The following FOXN2 variants were observed in gnomAD, a reference collection of about 807,000 sequenced individuals.
The protein encoded by FOXN2 is forkhead box N2.
A neutral mutation model predicts 41.2 loss-of-function variants in FOXN2; 19 were observed. That is an observed-to-expected ratio of 0.46 (90% CI 0.32 to 0.68). The LOEUF is 0.68. Among genes scored for constraint, FOXN2 ranks in the 30% least tolerant of loss-of-function variants. FOXN2 has a pLI of 0.03. For synonymous variants in FOXN2, 195 were observed against 176.8 expected (o/e 1.10, Z -0.82); for missense variants, 587 against 509.4 (o/e 1.15, Z -1.47).
rs1671995437 is a variant in FOXN2, at chr2:48,359,062, T to A, written c.553T>A (p.Ser185Thr). The part of the protein sequence containing the change: ...RSHGKVNGKG[S>T]LWCVDPEYKP... ...TTTATTCTAGGTTAATGGAAAAGGTTCCTTATGGTGTGTTGATCCGGAATA... is the reference window on the plus strand; with the variant it reads ...TTTATTCTAGGTTAATGGAAAAGGTACCTTATGGTGTGTTGATCCGGAATA... Residue 185 changes from serine to threonine, a missense_variant, in exon 4 of 7, where the codon TCC becomes ACC. By Grantham distance (58) the Ser-to-Thr change is moderately conservative. Transcript: ENST00000340553. The A allele has an allele frequency of 6.2e-7, 1 of 1,613,130 alleles. No individual in the cohort carries two copies.
intron 5 of FOXN2, among the ~76,000 whole-genome samples, chr2:48,372,452 T>C (rs1672963064): frequency 6.6e-6 from 1 of 152,204 alleles, no homozygotes; most frequent in Non-Finnish European, 1.5e-5. Flanking sequence ...CTGAGTCTTA[T>C]TTTAAATGTC....
intron 5 of FOXN2, among the ~76,000 whole-genome samples, chr2:48,369,867 G>T (rs544478848): frequency 6.6e-6 from 1 of 152,188 alleles, no homozygotes; most frequent in Non-Finnish European, 1.5e-5. Flanking sequence ...AGGTGCGGTG[G>T]TACATGCCTG....
intron 5 of FOXN2, among the ~76,000 whole-genome samples, chr2:48,366,740 G>A (rs143906417): frequency 9.9e-5 from 15 of 151,888 alleles, no homozygotes; most frequent in Admixed American, 8.5e-4. Context: ...TGAAGTTTGG[G>A]GAGATTAAGT....
chr2:48,350,525 C>T (rs1671381714), intron 3 of FOXN2, among the ~76,000 whole-genome samples: 1 of 152,190 alleles, frequency 6.6e-6, no homozygotes, highest in Non-Finnish European at 1.5e-5. Flanking sequence ...TGGCAGACAG[C>T]TTTTGCTTTG....
chr2:48,327,328 C>T (rs1403042197), intron 1 of FOXN2, among the ~76,000 whole-genome samples: 1 of 152,126 alleles, frequency 6.6e-6, no homozygotes, highest in Non-Finnish European at 1.5e-5. Context: ...GACCACTAGA[C>T]TACTTAGCTA....
intron 4 of FOXN2, among the ~76,000 whole-genome samples, chr2:48,362,106 A>G (rs969504089): frequency 2.0e-5 from 3 of 152,188 alleles, no homozygotes; most frequent in African/African-American, 7.2e-5. Flanking sequence ...GAGATTAATT[A>G]TTTTGCCTAA....
intron 5 of FOXN2, among the ~76,000 whole-genome samples, chr2:48,366,172 C>G (rs1672520192): frequency 1.3e-5 from 2 of 152,110 alleles, no homozygotes; most frequent in African/African-American, 4.8e-5. Context: ...GCCTGGCCAA[C>G]ATGGTGAAAC....
intron 5 of FOXN2, among the ~76,000 whole-genome samples, chr2:48,366,465 A>G (rs935470661): frequency 3.3e-5 from 5 of 152,098 alleles, no homozygotes; most frequent in East Asian, 3.9e-4. Flanking sequence ...AATCATAACA[A>G]TAGAGAGAGT....
intron 3 of FOXN2, among the ~76,000 whole-genome samples, chr2:48,347,027 ACTAT>A (rs1452487447): frequency 6.6e-6 from 1 of 152,112 alleles, no homozygotes; most frequent in Non-Finnish European, 1.5e-5. Context: ...TGTTCCTATA[ACTAT>A]CAGCATTTGA....
intron 1 of FOXN2, among the ~76,000 whole-genome samples, chr2:48,315,682 A>T (rs979986322): frequency 2.0e-5 from 3 of 152,058 alleles, no homozygotes; most frequent in South Asian, 2.1e-4. Flanking sequence ...AAAGCAGCCC[A>T]TGTGCTCCGT....
upstream of FOXN2, among the ~76,000 whole-genome samples, chr2:48,314,176 G>C (rs1053140182): frequency 6.6e-6 from 1 of 152,226 alleles, no homozygotes; most frequent in Admixed American, 6.5e-5. Flanking sequence ...CCCACATAAC[G>C]TGGGGTGTCG....
At chr2:48,356,049 C>T (rs1462436169) in intron 3 of FOXN2, among the ~76,000 whole-genome samples, 1 of 152,026 alleles carries the variant, frequency 6.6e-6, no homozygotes, top group African/African-American at 2.4e-5. Context: ...CACTTGAACC[C>T]GGAGGCAGAG....
intron 5 of FOXN2, among the ~76,000 whole-genome samples, chr2:48,372,226 G>T (rs747514565): frequency 2.0e-5 from 3 of 152,118 alleles, no homozygotes; most frequent in African/African-American, 4.8e-5. Context: ...TTTCATAGTG[G>T]CCAGCATCTG....
At chr2:48,369,406 C>T (rs931625969) in intron 5 of FOXN2, among the ~76,000 whole-genome samples, 3 of 152,058 alleles carry the variant, frequency 2.0e-5, no homozygotes, top group East Asian at 1.9e-4. Flanking sequence ...ACTGTGGTTG[C>T]GAGTGCCTGT....
intron 2 of FOXN2, among the ~76,000 whole-genome samples, chr2:48,336,277 G>A (rs569780266): frequency 6.6e-5 from 10 of 151,320 alleles, no homozygotes; most frequent in African/African-American, 2.4e-4. Context: ...GTGTGGTGGT[G>A]CACGCCTGTA....
intron 5 of FOXN2, among the ~76,000 whole-genome samples, chr2:48,367,907 A>G (rs1052715090): frequency 2.6e-5 from 4 of 152,190 alleles, no homozygotes; most frequent in Non-Finnish European, 5.9e-5. Context: ...CAGTGGCACG[A>G]TCTTCGCTCA....
chr2:48,376,554 G>C lies in FOXN2; in HGVS notation c.*1111G>C, dbSNP rs757248461. On this transcript the variant is annotated 3_prime_UTR_variant, in exon 7 of 7. Coordinates refer to ENST00000340553, the MANE Select transcript of FOXN2 (RefSeq NM_002158.4). The stretch of plus-strand genomic sequence containing the variant: ...GAATTTCAAAATTCATATAAAATTT[G>C]ATCTTATGCAATACACCTTTTTGAG... The C allele has an allele frequency of 2.0e-5, 3 of 152,398 alleles. No individual in the cohort carries two copies. The highest frequency in any genetic ancestry group is 2.9e-5 in the Non-Finnish European group (2 of 67,932). 9.4% of individuals were successfully genotyped at this position (152,398 alleles called of 1,614,324 possible). A position where few individuals can be genotyped will look rare whatever the true frequency, so the allele number is the denominator to read the frequency against.
intron 1 of FOXN2, among the ~76,000 whole-genome samples, chr2:48,316,062 A>ACT (rs1558604912): frequency 6.6e-6 from 1 of 151,908 alleles, no homozygotes; most frequent in East Asian, 1.9e-4. Context: ...CGCTAGCGGC[A>ACT]CTAGGGGCTG....
intron 1 of FOXN2, among the ~76,000 whole-genome samples, chr2:48,321,855 CTTA>C (rs1669344101): frequency 6.6e-6 from 1 of 152,078 alleles, no homozygotes; most frequent in Non-Finnish European, 1.5e-5. Flanking sequence ...AAATACATTT[CTTA>C]TTGTGGGATA....
Sources: gnomAD v4.1 joint callset for allele counts (sites outside exome capture counted in the v4.1 genomes callset) on GRCh38, gnomAD v4.1.1 for gene constraint, MANE v1.5 for transcripts, NCBI Gene and HGNC (gene_info 2026-07-23, HGNC 2026-07-21) for gene names.